The following POLDIP3 variants were observed in gnomAD, a reference collection of about 807,000 sequenced individuals.
POLDIP3 encodes the protein DNA polymerase delta interacting protein 3, also known as polymerase delta-interacting protein 3.
Under a neutral mutation model 45.1 loss-of-function variants are expected in POLDIP3, and 14 were observed. That is an observed-to-expected ratio of 0.31 (90% CI 0.20 to 0.49). The LOEUF (loss-of-function observed/expected upper bound fraction) is 0.49, where lower values mean the gene tolerates loss of function less well. Among genes scored for constraint, POLDIP3 ranks in the 20% least tolerant of loss-of-function variants. The pLI, the probability that POLDIP3 is intolerant of heterozygous loss-of-function variation, is 0.99. For synonymous variants in POLDIP3, 223 were observed against 205.2 expected (o/e 1.09, Z -0.74); for missense variants, 511 against 538.8 (o/e 0.95, Z 0.51).
chr22:42,610,746 T>C (rs1410934741), intron 1 of POLDIP3, among the ~76,000 whole-genome samples: 1 of 151,690 alleles, frequency 6.6e-6, no homozygotes, highest in African/African-American at 2.4e-5. Context: ...CTACAGAAAA[T>C]ACAAAAATAA....
intron 1 of POLDIP3, among the ~76,000 whole-genome samples, chr22:42,609,227 C>T (rs906649686): frequency 6.6e-6 from 1 of 152,222 alleles, no homozygotes; most frequent in African/African-American, 2.4e-5. Context: ...CAAAACACAT[C>T]CTGCACTTTT....
intron 1 of POLDIP3, among the ~76,000 whole-genome samples, chr22:42,614,094 G>A (rs1927302334): frequency 6.6e-6 from 1 of 152,158 alleles, no homozygotes; most frequent in Non-Finnish European, 1.5e-5. Context: ...CCATGTAGGA[G>A]GCCAACTCAG....
chr22:42,613,122 G>C (rs569752670), intron 1 of POLDIP3, among the ~76,000 whole-genome samples: 1 of 152,152 alleles, frequency 6.6e-6, no homozygotes, highest in Non-Finnish European at 1.5e-5. Flanking sequence ...AGAAACTGGC[G>C]GAGTGACCTC....
intron 4 of POLDIP3, among the ~76,000 whole-genome samples, chr22:42,596,600 C>G (rs1298246757): frequency 6.6e-6 from 1 of 152,182 alleles, no homozygotes; most frequent in African/African-American, 2.4e-5. Context: ...CCACTCCCCA[C>G]AGTGCTAGAA....
chr22:42,593,575 T>C (rs1050797749), intron 6 of POLDIP3, among the ~76,000 whole-genome samples: 12 of 152,206 alleles, frequency 7.9e-5, no homozygotes, highest in African/African-American at 2.7e-4. Context: ...TGGAGTGCAA[T>C]GGCGTGACCT....
chr22:42,590,575 T>C (rs1353461893), intron 7 of POLDIP3, among the ~76,000 whole-genome samples: 1 of 152,216 alleles, frequency 6.6e-6, no homozygotes, highest in Non-Finnish European at 1.5e-5. Context: ...TATTATAATG[T>C]TATGGGCCCA....
chr22:42,587,092 A>AAAACAAAC (rs142095433), intron 8 of POLDIP3, among the ~76,000 whole-genome samples: 1 of 150,774 alleles, frequency 6.6e-6, no homozygotes, highest in Non-Finnish European at 1.5e-5. Flanking sequence ...GAAAAAGCAA[A>AAAACAAAC]AAACAAACAA....
Position 42,602,869 on chromosome 22 carries a change from G to C in POLDIP3, c.351C>G (p.Ala117=). 1 of 1,613,648 alleles carries C rather than the reference G, an allele frequency of 6.2e-7. No homozygotes were observed. Reference sequence around the variant, plus strand: ...TCCTCTTCAAGCTGATCTTCTCCCGGGCATCAGCAACCTGGCGGGGCTTCT... The same window carrying C: ...TCCTCTTCAAGCTGATCTTCTCCCGCGCATCAGCAACCTGGCGGGGCTTCT... ...VPQKPRQVAD[A]REKISLKRSS... Residue 117 remains alanine, a synonymous_variant, in exon 2 of 9, where the codon GCC becomes GCG. Coordinates refer to ENST00000252115, the MANE Select transcript of POLDIP3 (RefSeq NM_032311.5).
intron 5 of POLDIP3, among the ~76,000 whole-genome samples, chr22:42,595,845 T>C (rs552131794): frequency 6.6e-6 from 1 of 152,316 alleles, no homozygotes; most frequent in East Asian, 1.9e-4. Flanking sequence ...CCTGAGCCTC[T>C]ACCTGGAAGG....
chr22:42,604,149 G>A (rs1054118514), intron 1 of POLDIP3, among the ~76,000 whole-genome samples: 1 of 152,116 alleles, frequency 6.6e-6, no homozygotes, highest in East Asian at 1.9e-4. Context: ...CCACTCATGC[G>A]GCAGACGCTC....
intron 1 of POLDIP3, among the ~76,000 whole-genome samples, chr22:42,606,313 G>A (rs1480359283): frequency 6.6e-6 from 1 of 151,978 alleles, no homozygotes; most frequent in Admixed American, 6.6e-5. Context: ...TTGAGCCCAG[G>A]AGATCGAGAA....
rs71787436 is a variant in POLDIP3, at chr22:42,601,951, T to TCA, written c.537+18_537+19insTG. 1.2e-6 allele frequency: 2 copies of TCA among 1,608,730 alleles called. No individual in the cohort carries two copies. Among genetic ancestry groups the TCA allele is most frequent in the African/African-American group, 2.7e-5 (2 of 74,692 alleles). On this transcript the variant is annotated intron_variant, in intron 3 of 8. Transcript: ENST00000252115. ...TGTACACACAGATTCTCTCTCTCTC[T>TCA]CTCACTCACTCACTCTACCTGTTTG...
chr22:42,599,574 A>G (rs536100857), intron 4 of POLDIP3, 124 bp downstream of exon 4: 1 of 744,488 alleles, frequency 1.3e-6, no homozygotes, highest in South Asian at 1.6e-5. Flanking sequence ...ATTGCACTCC[A>G]GCAGCCTGGG....
At chr22:42,595,401 T>C (rs1925923274) in intron 6 of POLDIP3, 136 bp downstream of exon 6, 2 of 755,078 alleles carry the variant, frequency 2.6e-6, no homozygotes, top group Non-Finnish European at 4.5e-6. Flanking sequence ...TTGCTGTCAT[T>C]AGTCTCAGCC....
rs1472352100 is a variant in POLDIP3 at position 42,584,150 on chromosome 22, TG to T, written c.*1640del. On this transcript the variant is annotated 3_prime_UTR_variant, in exon 9 of 9. Coordinates refer to ENST00000252115, the MANE Select transcript of POLDIP3 (RefSeq NM_032311.5). The stretch of plus-strand genomic sequence containing the variant: ...TGAAAAACCAGGTCCTACTGCCTTC[TG>T]GATGCTCTCTTGGGCCAGGAAGGGA... 1 of 152,846 alleles carries T rather than the reference TG, an allele frequency of 6.5e-6. No homozygotes were observed. Among genetic ancestry groups the T allele is most frequent in the East Asian group, 1.9e-4 (1 of 5,210 alleles). 9.5% of individuals were successfully genotyped at this position (152,846 alleles called of 1,614,324 possible). A position where few individuals can be genotyped will look rare whatever the true frequency, so the allele number is the denominator to read the frequency against.
At chr22:42,611,441 G>T (rs1052333689) in intron 1 of POLDIP3, among the ~76,000 whole-genome samples, 6 of 152,182 alleles carry the variant, frequency 3.9e-5, no homozygotes, top group Admixed American at 2.0e-4. Context: ...TGAGCAGAGT[G>T]GTGGGGAAAG....
chr22:42,585,517 T>G lies in POLDIP3; in HGVS notation c.*274A>C. The G allele has an allele frequency of 2.2e-6, 1 of 453,120 alleles. No individual in the cohort carries two copies. The highest frequency in any genetic ancestry group is 4.3e-5 in the East Asian group (1 of 23,308). The allele number at this position is 453,120 out of a possible 1,614,324, so 28.1% of individuals were successfully genotyped here. ...TCCAGATAAGAAATCAGCTTGGGGC[T>G]GAGGCTCGGGGAGGCACACACTGAA... On this transcript the variant is annotated 3_prime_UTR_variant, in exon 9 of 9. Transcript: ENST00000252115.
intron 3 of POLDIP3, 100 bp downstream of exon 3, chr22:42,601,870 A>G (rs1032647800): frequency 7.2e-5 from 101 of 1,393,446 alleles, no homozygotes; most frequent in Non-Finnish European, 4.9e-5. Flanking sequence ...AGCAAGCCTC[A>G]GTCCATCCAC....
In POLDIP3 at chr22:42,603,307, C is replaced by A. The variant is rs548536421; in HGVS notation, c.60-147G>T. ...GCCTGTGATTGAATAAACGATTATG[C>A]CTACATGATGACTCCTTTCCTGGTT... On this transcript the variant is annotated intron_variant, in intron 1 of 8. Coordinates refer to ENST00000252115, the MANE Select transcript of POLDIP3 (RefSeq NM_032311.5). 5 of 796,726 alleles carry A rather than the reference C, an allele frequency of 6.3e-6. No individual in the cohort carries two copies. In the African/African-American group the frequency reaches 6.9e-5, roughly 11 times the overall value. The allele number at this position is 796,726 out of a possible 1,614,324, so 49.4% of individuals were successfully genotyped here.
Sources: allele counts gnomAD v4.1 joint callset (sites outside exome capture counted in the v4.1 genomes callset), GRCh38; gene constraint gnomAD v4.1.1; transcripts MANE v1.5; gene names NCBI Gene and HGNC (gene_info 2026-07-23, HGNC 2026-07-21).